The following PRKN variants were observed in gnomAD, a reference collection of about 807,000 sequenced individuals.
PRKN encodes E3 ubiquitin-protein ligase parkin.
Under a neutral mutation model 59.5 loss-of-function variants are expected in PRKN, and 56 were observed. The ratio of observed to expected loss-of-function variants is 0.94; its 90% confidence interval spans 0.76 to 1.18. The LOEUF (loss-of-function observed/expected upper bound fraction) is 1.18. PRKN is among the 50% of genes most tolerant of loss of function. The pLI, the probability that PRKN is intolerant of heterozygous loss-of-function variation, is 0.00. For missense variants in PRKN, 657 were observed against 596.4 expected (o/e 1.10, Z -1.06); for synonymous variants, 250 against 222.1 (o/e 1.13, Z -1.12).
rs1790002971 is a variant in PRKN, at chr6:161,457,075, T to A, written c.1084-70198A>T. On this transcript the variant is annotated intron_variant, in intron 9 of 11. Coordinates refer to ENST00000366898, the MANE Select transcript of PRKN (RefSeq NM_004562.3). This position sits in a 1 kb window ranked among gnomAD's most constrained non-coding sequence, Gnocchi z 5.0. ...GTCCAACTTCCTCCTTTAACAAATA[T>A]CCACTGAGCGTCTTCGCTACGCAAG... Among the ~76,000 whole-genome samples, 1 of 152,188 alleles carries A rather than the reference T, an allele frequency of 6.6e-6. No homozygotes were observed. Among genetic ancestry groups the A allele is most frequent in the Non-Finnish European group, 1.5e-5 (1 of 68,048 alleles).
In PRKN at chr6:161,473,365, C is replaced by CATAT; in HGVS notation, c.1083+75485_1083+75488dup. Among the ~76,000 whole-genome samples, 1 of 149,264 alleles carries CATAT rather than the reference C, an allele frequency of 6.7e-6. No individual in the cohort carries two copies. The highest frequency in any genetic ancestry group is 6.7e-5 in the Admixed American group (1 of 14,840). Reference sequence around the variant, plus strand: ...ATATATCCATAAATTTATTTATATACATATATATATATAAAATGGAATATT... The same window carrying CATAT: ...ATATATCCATAAATTTATTTATATACATATATATATATATATAAAATGGAATATT... On this transcript the variant is annotated intron_variant, in intron 9 of 11. Transcript: ENST00000366898. This position sits in a 1 kb window ranked among gnomAD's most constrained non-coding sequence, Gnocchi z 4.1.
At chr6:162,308,677 C>T (rs1432731305) in intron 2 of PRKN, among the ~76,000 whole-genome samples, 2 of 152,040 alleles carry the variant, frequency 1.3e-5, no homozygotes, top group African/African-American at 4.8e-5. Context: ...CTAGAGTACC[C>T]ATCTGTTGTA....
At position 161,579,240 on chromosome 6, in the gene PRKN, G is replaced by A. The variant is rs1048889669; in HGVS notation, c.872-9824C>T. 9.2e-5 allele frequency among the ~76,000 whole-genome samples: 14 copies of A among 152,196 alleles called. No homozygotes were observed. Among genetic ancestry groups the A allele is most frequent in the African/African-American group, 3.4e-4 (14 of 41,438 alleles). ...ACCTGAGTGAAAATGTCAATGTCTA[G>A]TTAACGTTGGGGGAAAGAGAATCTG... is the stretch of plus-strand genomic sequence containing the variant. On this transcript the variant is annotated intron_variant, in intron 7 of 11. Transcript: ENST00000366898. The surrounding 1 kb of genome is among the most constrained non-coding windows in gnomAD (Gnocchi z 4.2).
At chr6:161,617,799 C>T (rs1215521046) in intron 7 of PRKN, among the ~76,000 whole-genome samples, 3 of 152,200 alleles carry the variant, frequency 2.0e-5, no homozygotes, top group Admixed American at 2.0e-4. Flanking sequence ...GGGGGGCAAC[C>T]TATTACAATC....
chr6:162,481,325 A>C (rs1285804493), intron 1 of PRKN, among the ~76,000 whole-genome samples: 1 of 152,184 alleles, frequency 6.6e-6, no homozygotes, highest in African/African-American at 2.4e-5. Context: ...GGAGAGGTAA[A>C]CTTAAGTCTC....
intron 4 of PRKN, among the ~76,000 whole-genome samples, chr6:162,121,910 T>G (rs1398169427): frequency 6.6e-6 from 1 of 152,212 alleles, no homozygotes; most frequent in Non-Finnish European, 1.5e-5. Flanking sequence ...TGTGGTTATT[T>G]ACTTGGTCAA....
chr6:161,360,340 C>T lies in PRKN; in HGVS notation c.1168-135G>A. The T allele has an allele frequency of 1.3e-6, 1 of 754,268 alleles. No individual in the cohort carries two copies. The highest frequency in any genetic ancestry group is 1.9e-5 in the Admixed American group (1 of 52,030). 46.7% of individuals were successfully genotyped at this position (754,268 alleles called of 1,614,324 possible). Reference sequence around the variant, plus strand: ...CGGGCAAGAAGCCTAAATATCAATGCACTTGACAAATGCTAGACAGCTACT... The same window carrying T: ...CGGGCAAGAAGCCTAAATATCAATGTACTTGACAAATGCTAGACAGCTACT... On this transcript the variant is annotated intron_variant, in intron 10 of 11. Transcript: ENST00000366898. The surrounding 1 kb of genome is among the most constrained non-coding windows in gnomAD (Gnocchi z 5.1).
intron 7 of PRKN, among the ~76,000 whole-genome samples, chr6:161,654,375 G>C (rs1002149437): frequency 6.6e-6 from 1 of 152,172 alleles, no homozygotes; most frequent in African/African-American, 2.4e-5. Flanking sequence ...TATGGCTCCA[G>C]GGCAAAGGGG....
At chr6:161,722,084 G>A (rs1787244693) in intron 7 of PRKN, among the ~76,000 whole-genome samples, 2 of 152,032 alleles carry the variant, frequency 1.3e-5, no homozygotes, top group Non-Finnish European at 2.9e-5. Flanking sequence ...TTACTGGTAA[G>A]TCAGGCTCAG....
intron 2 of PRKN, among the ~76,000 whole-genome samples, chr6:162,366,870 G>A (rs141719615): frequency 6.6e-6 from 1 of 152,150 alleles, no homozygotes; most frequent in Non-Finnish European, 1.5e-5. Flanking sequence ...TTCCATGCCA[G>A]CCTGGGCAAC....
chr6:161,453,765 T>TCCTCC (rs576350661), intron 9 of PRKN, among the ~76,000 whole-genome samples: 3 of 101,526 alleles, frequency 3.0e-5, no homozygotes, highest in Non-Finnish European at 3.9e-5. Flanking sequence ...CTTCCTTTCC[T>TCCTCC]CCTCCCCTCC....
intron 9 of PRKN, among the ~76,000 whole-genome samples, chr6:161,438,975 T>C (rs1220052957): frequency 6.6e-6 from 1 of 151,930 alleles, no homozygotes; most frequent in Non-Finnish European, 1.5e-5. Context: ...GAAACTGTTC[T>C]TTTAGCAGTT....
At chr6:161,742,145 T>A (rs979742840) in intron 7 of PRKN, among the ~76,000 whole-genome samples, 80 of 152,144 alleles carry the variant, frequency 5.3e-4, no homozygotes, top group African/African-American at 1.9e-3. Flanking sequence ...AATTTTTGTA[T>A]TTTTAGTAGA....
chr6:161,832,159 G>C (rs1792525683), intron 6 of PRKN, among the ~76,000 whole-genome samples: 1 of 152,202 alleles, frequency 6.6e-6, no homozygotes, highest in Non-Finnish European at 1.5e-5. Context: ...TTCTGCAAAA[G>C]AGCAACTTCA....
chr6:161,664,259 C>T (rs1002893073), intron 7 of PRKN, among the ~76,000 whole-genome samples: 2 of 152,136 alleles, frequency 1.3e-5, no homozygotes, highest in South Asian at 2.1e-4. Flanking sequence ...AGCTCCCTCT[C>T]ACGGTTTAAA....
chr6:161,671,846 C>T (rs184360744), intron 7 of PRKN, among the ~76,000 whole-genome samples: 75 of 152,272 alleles, frequency 4.9e-4, no homozygotes, highest in East Asian at 4.4e-3. Context: ...GTCTTGTCCT[C>T]TGTTTGTTAT....
chr6:162,192,497 G>T (rs1250528954), intron 4 of PRKN, among the ~76,000 whole-genome samples: 2 of 122,374 alleles, frequency 1.6e-5, no homozygotes, highest in Admixed American at 1.9e-4. Flanking sequence ...CTGTCACTCA[G>T]GCTGGAATGT....
chr6:162,261,811 A>AC (rs1583282744), intron 3 of PRKN, among the ~76,000 whole-genome samples: 1 of 152,100 alleles, frequency 6.6e-6, no homozygotes. Flanking sequence ...ATCATCGAAA[A>AC]TTTTTAAGTT....
intron 9 of PRKN, among the ~76,000 whole-genome samples, chr6:161,424,422 T>C (rs1029212370): frequency 1.3e-5 from 2 of 151,676 alleles, no homozygotes; most frequent in Admixed American, 1.3e-4. Context: ...AAGTGGTTCA[T>C]GGCTCCACAG....
Sources: gnomAD v4.1 joint callset for allele counts (sites outside exome capture counted in the v4.1 genomes callset) on GRCh38, gnomAD v4.1.1 for gene constraint, Gnocchi (gnomAD v3.1) non-coding constraint, MANE v1.5 for transcripts, NCBI Gene and HGNC (gene_info 2026-07-23, HGNC 2026-07-21) for gene names.